The following GTF2E2 variants were observed in gnomAD, a reference collection of about 807,000 sequenced individuals.
GTF2E2 encodes the protein transcription initiation factor IIE subunit beta.
In GTF2E2, 21 loss-of-function variants were observed where a neutral mutation model predicts 40.5. The observed-to-expected ratio is 0.52, with a 90% CI of 0.37 to 0.75. The LOEUF (loss-of-function observed/expected upper bound fraction) is 0.75. GTF2E2 is among the 30% of genes least tolerant of loss of function. The pLI is 0.00. For missense variants in GTF2E2, 298 were observed against 338.4 expected, an observed-to-expected ratio of 0.88 and a Z score of 0.94; for synonymous variants, 117 against 121.6, an observed-to-expected ratio of 0.96 and a Z score of 0.25.
At chr8:30,597,701 G>C (rs1231765072) in intron 6 of GTF2E2, among the ~76,000 whole-genome samples, 1 of 152,192 alleles carries the variant, frequency 6.6e-6, no homozygotes, top group African/African-American at 2.4e-5. Flanking sequence ...TCTGGGGTTT[G>C]TTGTTGCTGT....
intron 1 of GTF2E2, among the ~76,000 whole-genome samples, chr8:30,654,031 G>T (rs1316598453): frequency 6.7e-6 from 1 of 149,782 alleles, no homozygotes; most frequent in Non-Finnish European, 1.5e-5. Context: ...CAAGGCTGCA[G>T]TGAGCTGTGA....
chr8:30,620,754 C>A (rs1465892062), intron 3 of GTF2E2, among the ~76,000 whole-genome samples: 3 of 151,176 alleles, frequency 2.0e-5, no homozygotes, highest in Admixed American at 1.3e-4. Context: ...CATGATGAAA[C>A]CTCGACTCCA....
intron 1 of GTF2E2, among the ~76,000 whole-genome samples, chr8:30,654,285 A>G (rs556963613): frequency 6.6e-6 from 1 of 152,298 alleles, no homozygotes; most frequent in African/African-American, 2.4e-5. Flanking sequence ...GAAAAAAACT[A>G]TTTAATTACT....
chr8:30,636,729 A>G (rs1801613144), intron 2 of GTF2E2, among the ~76,000 whole-genome samples: 1 of 152,056 alleles, frequency 6.6e-6, no homozygotes, highest in Non-Finnish European at 1.5e-5. Context: ...AGCTGGGCAT[A>G]ATGGCACGTG....
At chr8:30,619,986 A>T (rs1563491796) in intron 3 of GTF2E2, among the ~76,000 whole-genome samples, 1 of 151,968 alleles carries the variant, frequency 6.6e-6, no homozygotes, top group African/African-American at 2.4e-5. Flanking sequence ...AAGAGATGTG[A>T]CAACAGAAGA....
chr8:30,623,697 T>A (rs1801180495), intron 3 of GTF2E2, among the ~76,000 whole-genome samples: 1 of 152,068 alleles, frequency 6.6e-6, no homozygotes, highest in Admixed American at 6.5e-5. Context: ...GACTTTTTAA[T>A]GATCATCATT....
Position 30,653,514 on chromosome 8 carries a change from A to G in GTF2E2, c.85T>C (p.Ser29Pro). ...TTTGACGATGATGATGATGACTCAG[A>G]AGATGCTGAACGTTTTTCTACTACA... ...TPVVEKRSAS[S>P]ESSSSSSKKK... The change falls in exon 2 of 8, where the codon TCT becomes CCT. Residue 29 changes from serine to proline, a missense_variant. Coordinates refer to ENST00000355904, the MANE Select transcript of GTF2E2 (RefSeq NM_002095.6). The G allele has an allele frequency of 6.2e-7, 1 of 1,613,394 alleles. No individual in the cohort carries two copies. Among genetic ancestry groups the G allele is most frequent in the Non-Finnish European group, 8.5e-7 (1 of 1,179,368 alleles).
intron 5 of GTF2E2, among the ~76,000 whole-genome samples, chr8:30,607,455 A>G (rs1358903944): frequency 6.6e-6 from 1 of 151,940 alleles, no homozygotes; most frequent in East Asian, 1.9e-4. Flanking sequence ...AATGTTTTCA[A>G]TTTTTTGTAG....
At chr8:30,607,443 C>T (rs1377043642) in intron 5 of GTF2E2, among the ~76,000 whole-genome samples, 1 of 152,052 alleles carries the variant, frequency 6.6e-6, no homozygotes, top group African/African-American at 2.4e-5. Context: ...CCACGTCTAG[C>T]TAATGTTTTC....
chr8:30,607,031 C>A (rs1829334293), intron 6 of GTF2E2, 26 bp downstream of exon 6: 2 of 841,476 alleles, frequency 2.4e-6, no homozygotes, highest in South Asian at 1.7e-5. Flanking sequence ...TACTTGCAAA[C>A]TAAAGTATAA....
intron 6 of GTF2E2, among the ~76,000 whole-genome samples, chr8:30,580,612 C>G (rs187146279): frequency 1.7e-3 from 260 of 152,254 alleles, no homozygotes; most frequent in African/African-American, 6.0e-3. Flanking sequence ...GACAGTGGGG[C>G]TGTTTCTTGA....
At chr8:30,587,196 A>G (rs562818489) in intron 6 of GTF2E2, among the ~76,000 whole-genome samples, 1 of 152,154 alleles carries the variant, frequency 6.6e-6, no homozygotes, top group South Asian at 2.1e-4. Flanking sequence ...AGATTGCTTG[A>G]GCCTAGGAGT....
intron 6 of GTF2E2, among the ~76,000 whole-genome samples, chr8:30,604,671 CG>C (rs1563482866): frequency 6.6e-6 from 1 of 152,162 alleles, no homozygotes; most frequent in Non-Finnish European, 1.5e-5. Flanking sequence ...TCACAAGACA[CG>C]GAACACATAT....
rs572105111 is a variant in GTF2E2 at position 30,646,359 on chromosome 8, T to G, written c.166+7074A>C. Among the ~76,000 whole-genome samples the G allele has an allele frequency of 2.1e-3, 309 of 147,072 alleles. 2 individuals carry two copies. The highest frequency in any genetic ancestry group is 7.4e-3 in the African/African-American group (297 of 39,934). ...GGCAGAAAGACTGCCCCTCCCCCCA[T>G]CCCCCCAAAAAAGGTCAAAAGATAG... On this transcript the variant is annotated intron_variant, in intron 2 of 7. Transcript: ENST00000355904.
At chr8:30,657,192 C>T (rs1802475840) in intron 1 of GTF2E2, among the ~76,000 whole-genome samples, 1 of 151,930 alleles carries the variant, frequency 6.6e-6, no homozygotes, top group Non-Finnish European at 1.5e-5. Flanking sequence ...AATATGTGTA[C>T]TAAGTTTTAG....
chr8:30,581,715 G>A (rs1409023539), intron 6 of GTF2E2, among the ~76,000 whole-genome samples: 1 of 152,178 alleles, frequency 6.6e-6, no homozygotes, highest in Non-Finnish European at 1.5e-5. Context: ...TTATGGACAT[G>A]ACCTAACTGA....
chr8:30,644,819 T>C (rs1269692584), intron 2 of GTF2E2, among the ~76,000 whole-genome samples: 1 of 151,882 alleles, frequency 6.6e-6, no homozygotes, highest in African/African-American at 2.4e-5. Context: ...GGCACGATCT[T>C]AGCTCACCAC....
chr8:30,643,199 A>C (rs538869402), intron 2 of GTF2E2, among the ~76,000 whole-genome samples: 1 of 152,332 alleles, frequency 6.6e-6, no homozygotes, highest in South Asian at 2.1e-4. Flanking sequence ...GTGTGAAAAC[A>C]ATATTGTGGT....
intron 6 of GTF2E2, among the ~76,000 whole-genome samples, chr8:30,594,941 C>T (rs1368353815): frequency 3.3e-5 from 5 of 151,730 alleles, no homozygotes; most frequent in African/African-American, 1.2e-4. Context: ...TTACATTTAA[C>T]ACAATGATTA....
Sources: allele counts gnomAD v4.1 joint callset (sites outside exome capture counted in the v4.1 genomes callset), GRCh38; gene constraint gnomAD v4.1.1; transcripts MANE v1.5; gene names NCBI Gene and HGNC (gene_info 2026-07-23, HGNC 2026-07-21).